Variants in CNTN4 observed in about 807,000 individuals in gnomAD.
The protein encoded by CNTN4 is contactin-4.
In CNTN4, 77 loss-of-function variants were observed where a neutral mutation model predicts 122.5. That is an observed-to-expected ratio of 0.63 (90% CI 0.52 to 0.76). The LOEUF (loss-of-function observed/expected upper bound fraction) is 0.76, where lower values mean the gene tolerates loss of function less well. Ranked by LOEUF, CNTN4 falls within the 30% of genes least tolerant of loss-of-function variation. The pLI, the probability that CNTN4 is intolerant of heterozygous loss-of-function variation, is 0.00. For synonymous variants in CNTN4, 512 were observed against 447.0 expected (o/e 1.15, Z -1.83); for missense variants, 1,256 against 1,259.1 (o/e 1.00, Z 0.04).
At chr3:2,629,509 G>C in intron 4 of CNTN4, 1 of 448,242 alleles carries the variant, frequency 2.2e-6, no homozygotes, top group Non-Finnish European at 4.5e-6. Context: ...ATTTTACCCT[G>C]TTCCTTCCCG....
chr3:2,777,522 G>C (rs1160239945), intron 6 of CNTN4, among the ~76,000 whole-genome samples: 5 of 152,118 alleles, frequency 3.3e-5, no homozygotes, highest in South Asian at 4.1e-4. Flanking sequence ...TACCCTCTCT[G>C]GTAGCAGCAA....
At chr3:2,596,608 A>T (rs1256277922) in intron 4 of CNTN4, among the ~76,000 whole-genome samples, 1 of 152,090 alleles carries the variant, frequency 6.6e-6, no homozygotes, top group Admixed American at 6.6e-5. Context: ...TTTAATCTGC[A>T]CACCATCCCT....
At chr3:2,642,357 G>A (rs1005604023) in intron 4 of CNTN4, among the ~76,000 whole-genome samples, 1 of 152,152 alleles carries the variant, frequency 6.6e-6, no homozygotes, top group Admixed American at 6.5e-5. Context: ...GGGTGGGTCT[G>A]CCGTTCCCAG....
intron 3 of CNTN4, among the ~76,000 whole-genome samples, chr3:2,381,354 A>C (rs1055441329): frequency 2.6e-5 from 4 of 152,116 alleles, no homozygotes; most frequent in Admixed American, 6.5e-5. Flanking sequence ...TTGCCTTATA[A>C]TACTTTGTAC....
Position 2,407,389 on chromosome 3 carries a change from T to C in CNTN4, c.-89+68156T>C, listed in dbSNP as rs536188796. Reference sequence around the variant, plus strand: ...GTTTTTAAAGGAATTTTTTTTTTCTTTTTGTTTTTGTTTTGGCTAATCAGT... The same window carrying C: ...GTTTTTAAAGGAATTTTTTTTTTCTCTTTGTTTTTGTTTTGGCTAATCAGT... On this transcript the variant is annotated intron_variant, in intron 3 of 24. Coordinates refer to ENST00000418658, the MANE Select transcript of CNTN4 (RefSeq NM_175607.3). Among the ~76,000 whole-genome samples the C allele has an allele frequency of 5.5e-3, 840 of 152,304 alleles. 3 individuals carry two copies. Among genetic ancestry groups the C allele is most frequent in the Non-Finnish European group, 8.3e-3 (566 of 68,022 alleles).
intron 4 of CNTN4, among the ~76,000 whole-genome samples, chr3:2,728,740 C>A (rs1266253794): frequency 6.6e-6 from 1 of 152,190 alleles, no homozygotes; most frequent in Non-Finnish European, 1.5e-5. Context: ...ATATCTAAAC[C>A]CATGCAGTCT....
chr3:2,359,561 A>G (rs1308164581), intron 3 of CNTN4, among the ~76,000 whole-genome samples: 1 of 152,116 alleles, frequency 6.6e-6, no homozygotes, highest in African/African-American at 2.4e-5. Context: ...TGTTTTTGAG[A>G]CAGAATCTCG....
intron 2 of CNTN4, among the ~76,000 whole-genome samples, chr3:2,133,689 G>A (rs1357039308): frequency 6.6e-6 from 1 of 152,140 alleles, no homozygotes; most frequent in African/African-American, 2.4e-5. Flanking sequence ...GAAAGCCCTT[G>A]AGGAAGAGAA....
chr3:2,585,354 A>G (rs997153527), intron 4 of CNTN4, among the ~76,000 whole-genome samples: 2 of 151,312 alleles, frequency 1.3e-5, no homozygotes, highest in Admixed American at 6.6e-5. Flanking sequence ...TACCCAAGGG[A>G]TTATAAATCA....
At chr3:2,535,472 C>T (rs753675302) in intron 3 of CNTN4, among the ~76,000 whole-genome samples, 6 of 152,080 alleles carry the variant, frequency 3.9e-5, no homozygotes, top group Non-Finnish European at 5.9e-5. Flanking sequence ...CTCCTTCAAC[C>T]ATCATGTGAG....
At chr3:2,719,545 C>T (rs1338072234) in intron 4 of CNTN4, among the ~76,000 whole-genome samples, 1 of 152,136 alleles carries the variant, frequency 6.6e-6, no homozygotes, top group African/African-American at 2.4e-5. Context: ...GCCTCGGCCT[C>T]CCACAGTGCT....
chr3:2,817,780 G>T (rs1234196035), intron 6 of CNTN4, among the ~76,000 whole-genome samples: 3 of 152,164 alleles, frequency 2.0e-5, no homozygotes, highest in Non-Finnish European at 4.4e-5. Flanking sequence ...GAACCTATAT[G>T]CAGAAGTGAC....
intron 4 of CNTN4, among the ~76,000 whole-genome samples, chr3:2,649,438 G>T (rs180969705): frequency 2.6e-5 from 4 of 152,234 alleles, no homozygotes; most frequent in East Asian, 3.9e-4. Context: ...TATGAATCAT[G>T]CCAGATCTAC....
At position 2,285,039 on chromosome 3, in the gene CNTN4, T is replaced by C. The variant is rs115209914; in HGVS notation, c.-144-54139T>C. Among the ~76,000 whole-genome samples, 1,226 of 151,998 alleles carry C rather than the reference T, an allele frequency of 8.1e-3. 18 individuals are homozygous for C. Among genetic ancestry groups the C allele is most frequent in the African/African-American group, 0.028 (1,161 of 41,526 alleles). On this transcript the variant is annotated intron_variant, in intron 2 of 24. Transcript: ENST00000418658. ...TAATAAGATACGTTTTTATTAATAA[T>C]AAAAAGAGAGACAAATGATACAAAT...
chr3:2,730,155 T>C (rs2088574849), intron 4 of CNTN4, among the ~76,000 whole-genome samples: 1 of 152,108 alleles, frequency 6.6e-6, no homozygotes. Context: ...TTTTGGAATA[T>C]TTGCATATAT....
At chr3:2,794,405 C>T (rs568036604) in intron 6 of CNTN4, among the ~76,000 whole-genome samples, 20 of 152,112 alleles carry the variant, frequency 1.3e-4, no homozygotes, top group South Asian at 6.2e-4. Flanking sequence ...TTGGATAGTC[C>T]CAAAAAGGAG....
rs548264833 is a variant in CNTN4 at position 2,999,369 on chromosome 3, T to C, written c.1486+10897T>C. Among the ~76,000 whole-genome samples the C allele has an allele frequency of 3.9e-5, 6 of 152,320 alleles. No homozygotes were observed. The South Asian group carries it at 1.0e-3, about 26-fold the overall frequency. ...ATCTGGGGGATGTTTAGGAGGATTG[T>C]TTCACATGTTTCACCCTGAAAGTGT... On this transcript the variant is annotated intron_variant, in intron 14 of 24. Transcript: ENST00000418658.
At chr3:2,759,358 G>A (rs2090482873) in intron 6 of CNTN4, among the ~76,000 whole-genome samples, 1 of 152,088 alleles carries the variant, frequency 6.6e-6, no homozygotes, top group African/African-American at 2.4e-5. Context: ...GTTTCACCAT[G>A]TTGGTCTTGA....
At chr3:2,677,468 C>A (rs866206193) in intron 4 of CNTN4, among the ~76,000 whole-genome samples, 3,961 of 58,440 alleles carry the variant, frequency 0.068, 27 homozygotes, top group East Asian at 0.14. Flanking sequence ...ATGTATCTAT[C>A]CATCTATCCA....
Sources: gnomAD v4.1 joint callset for allele counts (sites outside exome capture counted in the v4.1 genomes callset) on GRCh38, gnomAD v4.1.1 for gene constraint, MANE v1.5 for transcripts, NCBI Gene and HGNC (gene_info 2026-07-23, HGNC 2026-07-21) for gene names.